The following CSTPP1 variants were observed in gnomAD, a reference collection of about 807,000 sequenced individuals.
CSTPP1 encodes centriolar satellite-associated tubulin polyglutamylase complex regulator 1.
the CSTPP1 span, among the ~76,000 whole-genome samples, chr11:47,162,728 C>T: frequency 6.6e-6 from 1 of 152,158 alleles, no homozygotes; most frequent in Non-Finnish European, 1.5e-5. Flanking sequence ...AAAACCCACC[C>T]AGAAGCCCAA....
chr11:47,128,936 T>G, the CSTPP1 span, among the ~76,000 whole-genome samples: 1 of 152,164 alleles, frequency 6.6e-6, no homozygotes, highest in Non-Finnish European at 1.5e-5. Context: ...CCCCCAGAAA[T>G]AAATTTAAAA....
At chr11:46,985,806 A>G in the CSTPP1 span, among the ~76,000 whole-genome samples, 2 of 152,182 alleles carry the variant, frequency 1.3e-5, no homozygotes, top group Non-Finnish European at 2.9e-5. Flanking sequence ...TGTAAGTACC[A>G]TTATTATCCC....
chr11:47,148,729 AC>A, the CSTPP1 span, among the ~76,000 whole-genome samples: 10 of 152,164 alleles, frequency 6.6e-5, no homozygotes, highest in Non-Finnish European at 1.3e-4. Context: ...CCTGTTAGAC[AC>A]TAGCATATAT....
chr11:46,946,890 T>A, the CSTPP1 span, among the ~76,000 whole-genome samples: 2 of 152,350 alleles, frequency 1.3e-5, no homozygotes, highest in East Asian at 3.9e-4. Flanking sequence ...TGCTCAGTTG[T>A]TGAATGAATG....
chr11:47,011,566 G>A, the CSTPP1 span, among the ~76,000 whole-genome samples: 2 of 152,312 alleles, frequency 1.3e-5, no homozygotes, highest in East Asian at 3.9e-4. Context: ...AAGAAGAAAC[G>A]AAGTATAGAG....
chr11:47,058,297 A>G, the CSTPP1 span, among the ~76,000 whole-genome samples: 6 of 152,298 alleles, frequency 3.9e-5, no homozygotes, highest in Admixed American at 1.3e-4. Context: ...CACTGCACTC[A>G]AGCCTGGGCA....
the CSTPP1 span, among the ~76,000 whole-genome samples, chr11:46,943,981 A>G: frequency 1.3e-5 from 2 of 152,162 alleles, no homozygotes; most frequent in African/African-American, 4.8e-5. Context: ...TTTTCACACC[A>G]CTGCACTCCA....
At chr11:47,053,578 C>A in the CSTPP1 span, among the ~76,000 whole-genome samples, 1 of 151,104 alleles carries the variant, frequency 6.6e-6, no homozygotes, top group Non-Finnish European at 1.5e-5. Flanking sequence ...CGAGATCGTG[C>A]CACTGCTCTC....
At chr11:46,974,321 A>T in the CSTPP1 span, among the ~76,000 whole-genome samples, 1 of 152,064 alleles carries the variant, frequency 6.6e-6, no homozygotes, top group Non-Finnish European at 1.5e-5. Context: ...TGAGGTCAAG[A>T]GTTCGAGACC....
chr11:46,982,591 G>C, the CSTPP1 span, among the ~76,000 whole-genome samples: 1 of 152,076 alleles, frequency 6.6e-6, no homozygotes, highest in African/African-American at 2.4e-5. Flanking sequence ...CTTGGGAAGA[G>C]AATAAAATAA....
chr11:47,162,143 CAGA>C, the CSTPP1 span: 1 of 985,872 alleles, frequency 1.0e-6, no homozygotes, highest in Non-Finnish European at 1.2e-6. Context: ...AAGGGTGGGC[CAGA>C]AGATGATTTC....
At chr11:47,097,074 C>G in the CSTPP1 span, among the ~76,000 whole-genome samples, 6 of 145,474 alleles carry the variant, frequency 4.1e-5, no homozygotes, top group Non-Finnish European at 9.3e-5. Context: ...CCCCACCCGG[C>G]CAGCCGCCCC....
At chr11:46,937,883 C>CGTTTT in the CSTPP1 span, among the ~76,000 whole-genome samples, 3,472 of 151,484 alleles carry the variant, frequency 0.023, 121 homozygotes, top group African/African-American at 0.08. Context: ...TTTTTAAAGA[C>CGTTTT]GTTTTGTTTT....
chr11:47,160,981 T>C, the CSTPP1 span: 7 of 994,856 alleles, frequency 7.0e-6, no homozygotes, highest in South Asian at 1.6e-5. Context: ...TGACTGTTCT[T>C]GGCCCCTCTA....
chr11:46,993,453 A>G, the CSTPP1 span, among the ~76,000 whole-genome samples: 1 of 150,318 alleles, frequency 6.7e-6, no homozygotes, highest in African/African-American at 2.5e-5. Flanking sequence ...TAATTTTTGT[A>G]TAAGGTGTAA....
chr11:47,050,515 A>G, the CSTPP1 span, among the ~76,000 whole-genome samples: 1 of 152,236 alleles, frequency 6.6e-6, no homozygotes, highest in Non-Finnish European at 1.5e-5. Flanking sequence ...AGATAAAATC[A>G]GGAAAAGACT....
At chr11:46,952,391 C>G in the CSTPP1 span, among the ~76,000 whole-genome samples, 1 of 152,206 alleles carries the variant, frequency 6.6e-6, no homozygotes, top group African/African-American at 2.4e-5. Flanking sequence ...AAGGTCCCTG[C>G]TAACTGCCAA....
At chr11:47,062,275 G>A in the CSTPP1 span, among the ~76,000 whole-genome samples, 1 of 152,066 alleles carries the variant, frequency 6.6e-6, no homozygotes, top group Non-Finnish European at 1.5e-5. Flanking sequence ...TATATCCCTA[G>A]CACCTAATAC....
the CSTPP1 span, among the ~76,000 whole-genome samples, chr11:47,162,834 G>C: frequency 1.3e-5 from 2 of 152,112 alleles, no homozygotes; most frequent in Admixed American, 1.3e-4. Context: ...ATCATTACAG[G>C]AACTGCCTCC....
Sources: allele counts gnomAD v4.1 joint callset (sites outside exome capture counted in the v4.1 genomes callset), GRCh38; gene constraint gnomAD v4.1.1; transcripts MANE v1.5; gene names NCBI Gene and HGNC (gene_info 2026-07-23, HGNC 2026-07-21).